ZNF500: variants seen among roughly 807,000 people sequenced by gnomAD.
ZNF500 encodes the protein zinc finger protein with KRAB and SCAN domains 18.
ZNF500 carries 31 observed loss-of-function variants against 30.1 expected under a neutral mutation model. The ratio of observed to expected loss-of-function variants is 1.03; its 90% confidence interval spans 0.77 to 1.39. The LOEUF is 1.39. Ranked by LOEUF, ZNF500 falls within the 40% of genes most tolerant of loss-of-function variation. The pLI is 0.00. For synonymous variants in ZNF500, 392 were observed against 282.0 expected (o/e 1.39, Z -3.91); for missense variants, 817 against 657.8 (o/e 1.24, Z -2.65).
chr16:4,762,214 C>A, intron 4 of ZNF500, 57 bp downstream of exon 4: 1 of 1,575,406 alleles, frequency 6.3e-7, no homozygotes, highest in Non-Finnish European at 8.7e-7. Context: ...GGAAGTGTGA[C>A]ACACAGGAGG....
intron 4 of ZNF500, 125 bp downstream of exon 4, chr16:4,762,146 G>A (rs1021398602): frequency 8.9e-7 from 1 of 1,120,348 alleles, no homozygotes; most frequent in Non-Finnish European, 1.3e-6. Context: ...AAAACTCCAG[G>A]GAAGAGCTCC....
downstream of ZNF500, chr16:4,747,017 G>A (rs372365401): frequency 6.5e-7 from 1 of 1,529,900 alleles, no homozygotes; most frequent in Non-Finnish European, 8.7e-7. Context: ...CTTCCTCCCT[G>A]GGGCTACGGT....
rs765621393 is a variant in ZNF500, at chr16:4,765,985, C to T, written c.-7G>A. On this transcript the variant is annotated 5_prime_UTR_variant, in exon 2 of 6. Coordinates refer to ENST00000219478, the MANE Select transcript of ZNF500 (RefSeq NM_021646.4). ...GGCCAGGGACAGTGGCCATTGCTTCCGGTGGGCCTTGTTCCTTTTCAGGCC... is the reference window on the plus strand; with the variant it reads ...GGCCAGGGACAGTGGCCATTGCTTCTGGTGGGCCTTGTTCCTTTTCAGGCC... The T allele has an allele frequency of 7.1e-6, 11 of 1,543,718 alleles. No individual in the cohort carries two copies. Among genetic ancestry groups the T allele is most frequent in the South Asian group, 6.2e-5 (5 of 80,158 alleles).
chr16:4,746,870 A>C (rs2341988), downstream of ZNF500: 1 of 1,443,090 alleles, frequency 6.9e-7, no homozygotes, highest in Non-Finnish European at 9.3e-7. Context: ...AGCCCCAACA[A>C]GAGTTGGAAC....
intron 2 of ZNF500, among the ~76,000 whole-genome samples, chr16:4,765,263 C>T: frequency 6.6e-6 from 1 of 151,700 alleles, no homozygotes; most frequent in East Asian, 1.9e-4. Flanking sequence ...ATCACACCAC[C>T]ATAGCCTGGG....
chr16:4,745,096 G>C, downstream of ZNF500: 1 of 1,485,412 alleles, frequency 6.7e-7, no homozygotes. Context: ...TACCAAGGGC[G>C]GGGCACTCCA....
chr16:4,746,905 A>G, downstream of ZNF500: 1 of 1,529,186 alleles, frequency 6.5e-7, no homozygotes, highest in Non-Finnish European at 8.8e-7. Context: ...GCACATCCAG[A>G]AACCCATTTC....
intron 2 of ZNF500, chr16:4,764,176 T>G (rs117572672): frequency 0.03 from 23,545 of 790,738 alleles, 420 homozygotes; most frequent in Non-Finnish European, 0.033. Context: ...CCACTGGCCA[T>G]GTGTGACGAC....
At chr16:4,744,722 C>A, downstream of ZNF500, 1 of 994,340 alleles carries the variant, frequency 1.0e-6, no homozygotes, top group Non-Finnish European at 1.4e-6. Flanking sequence ...CCTCAGAGGG[C>A]TGAGTAGGGA....
chr16:4,746,670 G>C (rs551371243), downstream of ZNF500: 4 of 1,081,452 alleles, frequency 3.7e-6, no homozygotes, highest in Non-Finnish European at 5.2e-6. Context: ...GTCCCCCTGG[G>C]TCCCTGCAGG....
At position 4,752,222 on chromosome 16, in the gene ZNF500, G is replaced by C; in HGVS notation, c.*154C>G. The C allele has an allele frequency of 2.1e-6, 3 of 1,420,866 alleles. No homozygotes were observed. Among genetic ancestry groups the C allele is most frequent in the Non-Finnish European group, 2.7e-6 (3 of 1,093,492 alleles). The allele number at this position is 1,420,866 out of a possible 1,614,324, so 88.0% of individuals were successfully genotyped here. On this transcript the variant is annotated 3_prime_UTR_variant, in exon 6 of 6. Transcript: ENST00000219478. ...GCACCCAGTGCCCAGCTTCCTCTGC[G>C]GCCTGGGCATCCCAAATGTCCCCTG...
chr16:4,752,503 C>A lies in ZNF500; in HGVS notation c.1316G>T (p.Cys439Phe). 6.4e-7 allele frequency: 1 copy of A among 1,554,626 alleles called. No individual in the cohort carries two copies. Among genetic ancestry groups the A allele is most frequent in the Non-Finnish European group, 8.7e-7 (1 of 1,154,990 alleles). Residue 439 changes from cysteine to phenylalanine, a missense_variant, in exon 6 of 6, where the codon TGC becomes TTC. Cys to Phe is a radical substitution (Grantham distance 205, BLOSUM62 -2). Coordinates refer to ENST00000219478, the MANE Select transcript of ZNF500 (RefSeq NM_021646.4). ...GCGGAAGCCCCGGCCACAGGCCGGG[C>A]AGGTGTAGGGCTTCTCACCTGTGTG... is the stretch of plus-strand genomic sequence containing the variant. Reference protein sequence around the residue: ...RTHTGEKPYTCPACGRGFRRG... With the variant: ...RTHTGEKPYTFPACGRGFRRG...
chr16:4,747,394 G>A (rs1346062069), downstream of ZNF500: 3 of 1,610,568 alleles, frequency 1.9e-6, no homozygotes, highest in Non-Finnish European at 2.5e-6. Flanking sequence ...CCTTTCAGAA[G>A]GGGACAGCCC....
chr16:4,753,480 AAAAC>A (rs1229264220), intron 5 of ZNF500, among the ~76,000 whole-genome samples: 4 of 152,188 alleles, frequency 2.6e-5, no homozygotes, highest in South Asian at 2.1e-4. Context: ...AACAATCAAT[AAAAC>A]AAACAAAGAG....
intron 5 of ZNF500, among the ~76,000 whole-genome samples, chr16:4,756,171 G>T (rs1206280731): frequency 6.6e-6 from 1 of 152,194 alleles, no homozygotes; most frequent in Non-Finnish European, 1.5e-5. Flanking sequence ...GCCGATGCGG[G>T]CTGATCATTT....
Position 4,751,874 on chromosome 16 carries a change from T to G in ZNF500, c.*502A>C. On this transcript the variant is annotated 3_prime_UTR_variant, in exon 6 of 6. Transcript: ENST00000219478. ...AGTGAGCTATGATCATGGCACTGTA[T>G]TCCCGCCTGGGGGACACAGCAAGGC... is the stretch of plus-strand genomic sequence containing the variant. 1 of 300,514 alleles carries G rather than the reference T, an allele frequency of 3.3e-6. No homozygotes were observed. The allele number at this position is 300,514 out of a possible 1,614,324, so 18.6% of individuals were successfully genotyped here.
Position 4,752,100 on chromosome 16 carries a change from T to C in ZNF500, c.*276A>G. On this transcript the variant is annotated 3_prime_UTR_variant, in exon 6 of 6. Coordinates refer to ENST00000219478, the MANE Select transcript of ZNF500 (RefSeq NM_021646.4). ...CACGAACACCTTGAGTGTCGGCTTC[T>C]GGCCTCCTGAGTGTGTCTCTGTGGC... 7.5e-7 allele frequency: 1 copy of C among 1,329,182 alleles called. No homozygotes were observed. The allele number at this position is 1,329,182 out of a possible 1,614,324, so 82.3% of individuals were successfully genotyped here.
At chr16:4,744,990 A>C, downstream of ZNF500, 1 of 1,613,550 alleles carries the variant, frequency 6.2e-7, no homozygotes, top group Non-Finnish European at 8.5e-7. Context: ...CAGGACACCA[A>C]AGAGGCAGAT....
Position 4,752,132 on chromosome 16 carries a change from C to T in ZNF500, c.*244G>A. 2 of 1,362,208 alleles carry T rather than the reference C, an allele frequency of 1.5e-6. No individual in the cohort carries two copies. Among genetic ancestry groups the T allele is most frequent in the Non-Finnish European group, 1.9e-6 (2 of 1,063,304 alleles). 84.4% of individuals were successfully genotyped at this position (1,362,208 alleles called of 1,614,324 possible). A position where few individuals can be genotyped will look rare whatever the true frequency, so the allele number is the denominator to read the frequency against. The stretch of plus-strand genomic sequence containing the variant: ...CTGAGTGTGTCTCTGTGGCTGAAGC[C>T]CCTGCTCTGTGTCACCTGTTCTGGC... On this transcript the variant is annotated 3_prime_UTR_variant, in exon 6 of 6. Transcript: ENST00000219478.
Sources: gnomAD v4.1 joint callset for allele counts (sites outside exome capture counted in the v4.1 genomes callset) on GRCh38, gnomAD v4.1.1 for gene constraint, MANE v1.5 for transcripts, NCBI Gene and HGNC (gene_info 2026-07-23, HGNC 2026-07-21) for gene names.